The following SV2C variants were observed in gnomAD, a reference collection of about 807,000 sequenced individuals.
The protein encoded by SV2C is solute carrier family 22 member B3.
A neutral mutation model predicts 79.7 loss-of-function variants in SV2C; 49 were observed. That is an observed-to-expected ratio of 0.61 (90% CI 0.49 to 0.78). The LOEUF is 0.78. Among genes scored for constraint, SV2C ranks in the 30% least tolerant of loss-of-function variants. The probability of loss-of-function intolerance (pLI) is 0.00; values close to 1 mark genes in which losing one functional copy is unlikely to be tolerated. For missense variants in SV2C, 833 were observed against 912.9 expected, an observed-to-expected ratio of 0.91 and a Z score of 1.13; for synonymous variants, 334 against 333.2, an observed-to-expected ratio of 1.00 and a Z score of -0.03.
At chr5:75,951,386 A>C in the SV2C span, among the ~76,000 whole-genome samples, 1 of 152,120 alleles carries the variant, frequency 6.6e-6, no homozygotes. Context: ...AGAATTGGTC[A>C]TTCTGCTTTT....
chr5:76,086,340 G>A (rs1747196120), intron 1 of SV2C, among the ~76,000 whole-genome samples: 1 of 152,176 alleles, frequency 6.6e-6, no homozygotes, highest in Admixed American at 6.5e-5. Flanking sequence ...CAAACTTGAT[G>A]ACATATTGTA....
At chr5:76,039,971 G>A in the SV2C span, among the ~76,000 whole-genome samples, 1 of 151,988 alleles carries the variant, frequency 6.6e-6, no homozygotes, top group Non-Finnish European at 1.5e-5. Context: ...CAAAATTCAA[G>A]CTACATAAGA....
intron 2 of SV2C, among the ~76,000 whole-genome samples, chr5:76,143,628 C>T (rs1749331333): frequency 6.6e-6 from 1 of 152,194 alleles, no homozygotes; most frequent in African/African-American, 2.4e-5. Flanking sequence ...AGGACTCAGG[C>T]TCTGGTAGTG....
chr5:75,928,766 A>G, the SV2C span, among the ~76,000 whole-genome samples: 3 of 152,088 alleles, frequency 2.0e-5, no homozygotes, highest in Non-Finnish European at 4.4e-5. Flanking sequence ...GGAAGCTTGG[A>G]AGAAATTCTG....
intron 12 of SV2C, among the ~76,000 whole-genome samples, chr5:76,317,577 C>T (rs1008548012): frequency 6.6e-6 from 1 of 152,100 alleles, no homozygotes; most frequent in Non-Finnish European, 1.5e-5. Flanking sequence ...TGCCTGTAAC[C>T]CCAACACTTT....
At chr5:76,273,630 T>C (rs566443083) in intron 4 of SV2C, among the ~76,000 whole-genome samples, 4 of 152,204 alleles carry the variant, frequency 2.6e-5, no homozygotes, top group Non-Finnish European at 5.9e-5. Context: ...TGGCTGCTCC[T>C]CTGCGCATTC....
At position 76,180,024 on chromosome 5, in the gene SV2C, C is replaced by T. The variant is rs1580334477; in HGVS notation, c.581-14895C>T. ...CAATTATTTTCCTATGAATGTTGAT[C>T]AAGCACTGTGTGATCTTTGAGTTCA... is the stretch of plus-strand genomic sequence containing the variant. On this transcript the variant is annotated intron_variant, in intron 2 of 12. Transcript: ENST00000502798. Among the ~76,000 whole-genome samples, 4 of 152,280 alleles carry T rather than the reference C, an allele frequency of 2.6e-5. No individual in the cohort carries two copies. In the South Asian group the frequency reaches 8.3e-4, roughly 32 times the overall value.
At chr5:76,069,841 C>T in the SV2C span, among the ~76,000 whole-genome samples, 2 of 138,080 alleles carry the variant, frequency 1.4e-5, no homozygotes, top group Non-Finnish European at 3.2e-5. Context: ...CTCTCACACA[C>T]ACACATACAC....
intron 4 of SV2C, among the ~76,000 whole-genome samples, chr5:76,226,255 C>T (rs1745234719): frequency 3.3e-5 from 5 of 151,360 alleles, no homozygotes; most frequent in African/African-American, 1.2e-4. Context: ...CTTGGCTTGA[C>T]AATTTAAGAC....
the SV2C span, among the ~76,000 whole-genome samples, chr5:76,006,364 G>A: frequency 6.6e-6 from 1 of 152,094 alleles, no homozygotes; most frequent in Admixed American, 6.6e-5. Context: ...AGAAAGAGAT[G>A]CTATGTAAGA....
chr5:76,021,113 C>T, the SV2C span, among the ~76,000 whole-genome samples: 1 of 152,144 alleles, frequency 6.6e-6, no homozygotes, highest in East Asian at 1.9e-4. Context: ...AAGTCTGAGG[C>T]CATTGATTGG....
At chr5:76,125,675 A>AAGTC (rs1748682870) in intron 1 of SV2C, among the ~76,000 whole-genome samples, 1 of 152,192 alleles carries the variant, frequency 6.6e-6, no homozygotes, top group Non-Finnish European at 1.5e-5. Flanking sequence ...TGCAGATTGC[A>AAGTC]CCTTGGGGGA....
At chr5:75,884,895 GAATCTTCAGAGTATA>G in the SV2C span, among the ~76,000 whole-genome samples, 2 of 151,994 alleles carry the variant, frequency 1.3e-5, no homozygotes, top group African/African-American at 4.8e-5. Context: ...CAAAAATACT[GAATCTTCAGAGTATA>G]ATTAATAATG....
the SV2C span, among the ~76,000 whole-genome samples, chr5:76,032,361 A>G: frequency 6.6e-6 from 1 of 152,152 alleles, no homozygotes; most frequent in Admixed American, 6.5e-5. Flanking sequence ...CTCGGCATCT[A>G]GCATTAGGTA....
At chr5:76,059,214 C>T in the SV2C span, among the ~76,000 whole-genome samples, 1 of 152,008 alleles carries the variant, frequency 6.6e-6, no homozygotes, top group East Asian at 1.9e-4. Flanking sequence ...GTGGTGATTG[C>T]TGAAAGCTGG....
At chr5:75,999,896 CAGAG>C in the SV2C span, among the ~76,000 whole-genome samples, 4 of 152,048 alleles carry the variant, frequency 2.6e-5, no homozygotes, top group Non-Finnish European at 5.9e-5. Flanking sequence ...GAGGAAGAGA[CAGAG>C]AGGCAATATC....
chr5:75,883,025 G>T, the SV2C span, among the ~76,000 whole-genome samples: 20,731 of 146,544 alleles, frequency 0.14, 1,876 homozygotes, highest in South Asian at 0.25. Flanking sequence ...CAAAAAGTGG[G>T]CAAAGGACAT....
chr5:76,321,274 T>A (rs976392604), intron 12 of SV2C, among the ~76,000 whole-genome samples: 3 of 150,182 alleles, frequency 2.0e-5, no homozygotes, highest in African/African-American at 7.3e-5. Flanking sequence ...TTTTGCCCCT[T>A]ATAAGATGCA....
At chr5:75,873,433 A>G in the SV2C span, among the ~76,000 whole-genome samples, 1 of 152,184 alleles carries the variant, frequency 6.6e-6, no homozygotes, top group Non-Finnish European at 1.5e-5. Flanking sequence ...TAATAATTTA[A>G]TTCTATAGAT....
Sources: gnomAD v4.1 joint callset for allele counts (sites outside exome capture counted in the v4.1 genomes callset) on GRCh38, gnomAD v4.1.1 for gene constraint, MANE v1.5 for transcripts, NCBI Gene and HGNC (gene_info 2026-07-23, HGNC 2026-07-21) for gene names.